SLC24A3: variants seen among roughly 807,000 people sequenced by gnomAD.
SLC24A3 encodes the protein sodium/potassium/calcium exchanger 3.
SLC24A3 carries 28 observed loss-of-function variants against 75.8 expected under a neutral mutation model. The ratio of observed to expected loss-of-function variants is 0.37; its 90% CI spans 0.27 to 0.51. The LOEUF (loss-of-function observed/expected upper bound fraction) is 0.51. Among genes scored for constraint, SLC24A3 ranks in the 20% least tolerant of loss-of-function variants. The pLI is 0.94. For missense variants in SLC24A3, 663 were observed against 847.8 expected (o/e 0.78, Z 2.71); for synonymous variants, 372 against 334.1 (o/e 1.11, Z -1.24).
At chr20:19,711,122 C>T (rs2032983674) in intron 15 of SLC24A3, among the ~76,000 whole-genome samples, 1 of 119,188 alleles carries the variant, frequency 8.4e-6, no homozygotes, top group South Asian at 3.4e-4. Context: ...CAGGCAGACA[C>T]ATGCAGGCAA....
At chr20:19,339,449 A>T (rs1005335279) in intron 2 of SLC24A3, among the ~76,000 whole-genome samples, 6 of 152,236 alleles carry the variant, frequency 3.9e-5, no homozygotes, top group Admixed American at 3.3e-4. Context: ...CATTTCACTT[A>T]TTTAGCTGTT....
At chr20:19,491,849 C>G (rs1208045620) in intron 2 of SLC24A3, among the ~76,000 whole-genome samples, 3 of 152,300 alleles carry the variant, frequency 2.0e-5, no homozygotes, top group Admixed American at 6.5e-5. Flanking sequence ...AATTCTCCCT[C>G]CAGGATGTCC....
At chr20:19,237,968 A>G (rs1485146874) in intron 1 of SLC24A3, among the ~76,000 whole-genome samples, 1 of 152,230 alleles carries the variant, frequency 6.6e-6, no homozygotes, top group Non-Finnish European at 1.5e-5. Flanking sequence ...ATAGGAAGTG[A>G]CAAAGATGGT....
At chr20:19,490,258 C>G (rs1261948305) in intron 2 of SLC24A3, among the ~76,000 whole-genome samples, 1 of 152,170 alleles carries the variant, frequency 6.6e-6, no homozygotes, top group Non-Finnish European at 1.5e-5. Flanking sequence ...CAGCCCATGG[C>G]CCCTAGGGAA....
intron 2 of SLC24A3, among the ~76,000 whole-genome samples, chr20:19,381,499 G>A (rs987584466): frequency 2.0e-5 from 3 of 152,154 alleles, no homozygotes; most frequent in African/African-American, 4.8e-5. Flanking sequence ...AGATGGAACA[G>A]CAGGTGCAAA....
chr20:19,350,488 G>C (rs1166233256), intron 2 of SLC24A3, among the ~76,000 whole-genome samples: 1 of 152,120 alleles, frequency 6.6e-6, no homozygotes, highest in Non-Finnish European at 1.5e-5. Flanking sequence ...TCATTTACCA[G>C]TTTAGCTTTT....
chr20:19,672,268 T>C (rs1043480210), intron 8 of SLC24A3, among the ~76,000 whole-genome samples: 1 of 152,198 alleles, frequency 6.6e-6, no homozygotes, highest in Admixed American at 6.5e-5. Context: ...TTGGATACCC[T>C]GATTTCCTCT....
chr20:19,363,138 G>A (rs117571834), intron 2 of SLC24A3, among the ~76,000 whole-genome samples: 2,881 of 152,240 alleles, frequency 0.019, 53 homozygotes, highest in South Asian at 0.067. Context: ...TCCATCCCCC[G>A]AGGCCCCTCA....
intron 2 of SLC24A3, among the ~76,000 whole-genome samples, chr20:19,484,774 T>G (rs569656640): frequency 6.6e-6 from 1 of 152,292 alleles, no homozygotes; most frequent in East Asian, 1.9e-4. Flanking sequence ...GCAAACAACA[T>G]GAATATACTT....
intron 1 of SLC24A3, among the ~76,000 whole-genome samples, chr20:19,279,478 G>T (rs1223824309): frequency 6.6e-6 from 1 of 152,128 alleles, no homozygotes; most frequent in East Asian, 1.9e-4. Context: ...ATCTGTCCAT[G>T]GTGGTCAAGG....
chr20:19,459,375 A>G (rs1445705598), intron 2 of SLC24A3, among the ~76,000 whole-genome samples: 2 of 152,112 alleles, frequency 1.3e-5, no homozygotes, highest in African/African-American at 4.8e-5. Flanking sequence ...ACCGTCCAGT[A>G]TATGTGGATG....
chr20:19,249,641 C>T (rs1426002884), intron 1 of SLC24A3, among the ~76,000 whole-genome samples: 3 of 152,004 alleles, frequency 2.0e-5, no homozygotes, highest in Admixed American at 6.5e-5. Context: ...GGGTTTATCG[C>T]TGGGAGACAG....
At chr20:19,647,561 A>C (rs1320504216) in intron 6 of SLC24A3, among the ~76,000 whole-genome samples, 5 of 152,234 alleles carry the variant, frequency 3.3e-5, no homozygotes, top group African/African-American at 9.6e-5. Context: ...CCTCAAGTCC[A>C]GCATTTTCTT....
At chr20:19,245,546 T>G (rs568538932) in intron 1 of SLC24A3, among the ~76,000 whole-genome samples, 1 of 152,184 alleles carries the variant, frequency 6.6e-6, no homozygotes, top group African/African-American at 2.4e-5. Flanking sequence ...GTGTTAAAAT[T>G]TATGGAGAAT....
At chr20:19,717,619 C>A in intron 16 of SLC24A3, 26 bp downstream of exon 16, 1 of 1,613,682 alleles carries the variant, frequency 6.2e-7, no homozygotes, top group Non-Finnish European at 8.5e-7. Flanking sequence ...TCTCCTCGTA[C>A]TTGTGTTTGC....
At chr20:19,275,708 C>G (rs1356537505) in intron 1 of SLC24A3, among the ~76,000 whole-genome samples, 5 of 152,178 alleles carry the variant, frequency 3.3e-5, no homozygotes, top group Non-Finnish European at 7.3e-5. Flanking sequence ...GTAATGGAAA[C>G]TTGGCGTCCA....
At chr20:19,443,442 T>C (rs139555280) in intron 2 of SLC24A3, among the ~76,000 whole-genome samples, 1 of 152,332 alleles carries the variant, frequency 6.6e-6, no homozygotes, top group East Asian at 1.9e-4. Context: ...CTAATATAAA[T>C]GGTATTATGA....
intron 1 of SLC24A3, among the ~76,000 whole-genome samples, chr20:19,256,519 G>A (rs768551273): frequency 6.6e-6 from 1 of 151,910 alleles, no homozygotes; most frequent in Non-Finnish European, 1.5e-5. Context: ...TTGTAATTCC[G>A]GCACTTTGGG....
At chr20:19,515,696 C>A in intron 3 of SLC24A3, 132 bp downstream of exon 3, 2 of 678,104 alleles carry the variant, frequency 2.9e-6, no homozygotes, top group Non-Finnish European at 2.4e-6. Context: ...GGGGGTCCTT[C>A]GAGCTCTGTA....
Sources: gnomAD v4.1 joint callset for allele counts (sites outside exome capture counted in the v4.1 genomes callset) on GRCh38, gnomAD v4.1.1 for gene constraint, MANE v1.5 for transcripts, NCBI Gene and HGNC (gene_info 2026-07-23, HGNC 2026-07-21) for gene names.